Variants in SLC8A1 observed in about 807,000 individuals in gnomAD.
SLC8A1 encodes the protein sodium/calcium exchanger 1.
Under a neutral mutation model 68.3 loss-of-function variants are expected in SLC8A1, and 18 were observed. That is an observed-to-expected ratio of 0.26 (90% CI 0.18 to 0.39). The LOEUF is 0.39. Ranked by LOEUF, SLC8A1 falls within the 10% of genes least tolerant of loss-of-function variation. The pLI, the probability that SLC8A1 is intolerant of heterozygous loss-of-function variation, is 1.00. For synonymous variants in SLC8A1, 475 were observed against 415.5 expected, an observed-to-expected ratio of 1.14 and a Z score of -1.74; for missense variants, 985 against 1,156.7, an observed-to-expected ratio of 0.85 and a Z score of 2.15.
chr2:40,161,582 TA>T (rs1488159605), intron 5 of SLC8A1, among the ~76,000 whole-genome samples: 1 of 152,218 alleles, frequency 6.6e-6, no homozygotes, highest in East Asian at 1.9e-4. Flanking sequence ...TGGAACTTTT[TA>T]AGCACCTTGT....
intron 2 of SLC8A1, among the ~76,000 whole-genome samples, chr2:40,382,807 A>C (rs1457900828): frequency 6.6e-6 from 1 of 152,140 alleles, no homozygotes; most frequent in Non-Finnish European, 1.5e-5. Context: ...GTTTTAGTTA[A>C]AATAGAATGT....
At chr2:40,358,759 T>C (rs1486135972) in intron 2 of SLC8A1, among the ~76,000 whole-genome samples, 1 of 152,198 alleles carries the variant, frequency 6.6e-6, no homozygotes, top group Non-Finnish European at 1.5e-5. Context: ...ACTCCTACTC[T>C]CATAAGGTTT....
chr2:40,253,182 CAT>C (rs1314996523), intron 2 of SLC8A1, among the ~76,000 whole-genome samples: 6 of 133,760 alleles, frequency 4.5e-5, no homozygotes, highest in South Asian at 2.2e-4. Flanking sequence ...CACAAATATA[CAT>C]ATATACACGT....
At chr2:40,154,612 C>A (rs182152397) in intron 6 of SLC8A1, among the ~76,000 whole-genome samples, 191 of 150,796 alleles carry the variant, frequency 1.3e-3, no homozygotes, top group African/African-American at 4.5e-3. Context: ...CAGGTGTGAG[C>A]CACTGCGCCC....
At chr2:40,502,947 C>A (rs1706138360) in intron 1 of SLC8A1, among the ~76,000 whole-genome samples, 1 of 151,836 alleles carries the variant, frequency 6.6e-6, no homozygotes, top group Admixed American at 6.6e-5. Context: ...AATAGCAAAA[C>A]CCTAATAGAG....
intron 1 of SLC8A1, among the ~76,000 whole-genome samples, chr2:40,509,334 C>T (rs1706560764): frequency 6.6e-6 from 1 of 151,896 alleles, no homozygotes; most frequent in Admixed American, 6.6e-5. Flanking sequence ...TGCCTAGTCT[C>T]AGGCCTTTTG....
intron 2 of SLC8A1, among the ~76,000 whole-genome samples, chr2:40,408,041 AC>A (rs1690923424): frequency 6.6e-6 from 1 of 152,096 alleles, no homozygotes; most frequent in Admixed American, 6.6e-5. Flanking sequence ...CAAATATGTT[AC>A]CCCCATAACA....
intron 2 of SLC8A1, among the ~76,000 whole-genome samples, chr2:40,304,075 A>T (rs1482229060): frequency 6.6e-6 from 1 of 152,236 alleles, no homozygotes; most frequent in African/African-American, 2.4e-5. Context: ...TAAATGCAAA[A>T]TAACAGATGC....
At chr2:40,453,985 T>C (rs1306723254), upstream of SLC8A1, among the ~76,000 whole-genome samples, 1 of 152,208 alleles carries the variant, frequency 6.6e-6, no homozygotes, top group Non-Finnish European at 1.5e-5. Flanking sequence ...TTAAATTTTC[T>C]TGGAAGCTAC....
intron 2 of SLC8A1, among the ~76,000 whole-genome samples, chr2:40,415,456 G>C (rs1693522563): frequency 6.6e-6 from 1 of 151,126 alleles, no homozygotes; most frequent in African/African-American, 2.4e-5. Flanking sequence ...CTGCCAATGT[G>C]GTTTGACTAG....
chr2:40,119,952 G>A (rs967491347), intron 7 of SLC8A1, among the ~76,000 whole-genome samples: 4 of 152,158 alleles, frequency 2.6e-5, no homozygotes, highest in Non-Finnish European at 5.9e-5. Flanking sequence ...TTGCAGACCT[G>A]CCTCAAGTTC....
intron 1 of SLC8A1, among the ~76,000 whole-genome samples, chr2:40,482,930 A>G (rs1704730475): frequency 6.7e-6 from 1 of 148,828 alleles, no homozygotes; most frequent in South Asian, 2.1e-4. Flanking sequence ...AGCTGGGACT[A>G]CAGGCGCCCG....
chr2:40,425,106 G>C lies in SLC8A1; in HGVS notation c.1808+3367C>G, dbSNP rs114115980. 4.2e-4 allele frequency among the ~76,000 whole-genome samples: 64 copies of C among 151,916 alleles called. 2 individuals are homozygous for C. The highest frequency in any genetic ancestry group is 1.4e-3 in the African/African-American group (58 of 41,522). On this transcript the variant is annotated intron_variant, in intron 2 of 7. Transcript: ENST00000406785. ...GTCAAAATTAGTTGGCATTGGTTTAGTATGTGTCATTGATTGAGTTTATAA... is the reference window on the plus strand; with the variant it reads ...GTCAAAATTAGTTGGCATTGGTTTACTATGTGTCATTGATTGAGTTTATAA...
At chr2:40,364,088 CAATAG>C (rs1675344862) in intron 2 of SLC8A1, among the ~76,000 whole-genome samples, 1 of 151,914 alleles carries the variant, frequency 6.6e-6, no homozygotes, top group South Asian at 2.1e-4. Flanking sequence ...TATTTTCTTT[CAATAG>C]GATAGTAAAA....
At position 40,387,675 on chromosome 2, in the gene SLC8A1, T is replaced by A. The variant is rs548248118; in HGVS notation, c.1808+40798A>T. ...CTTAAGAATTAGTTGTGGTGGCTCA[T>A]GCCTGTAATCCCAAAACATTGAGAA... On this transcript the variant is annotated intron_variant, in intron 2 of 7. Transcript: ENST00000406785. Among the ~76,000 whole-genome samples, 3 of 151,474 alleles carry A rather than the reference T, an allele frequency of 2.0e-5. No individual in the cohort carries two copies. The South Asian group carries it at 6.2e-4, about 31-fold the overall frequency.
At chr2:40,463,694 T>G (rs1038188984) in intron 1 of SLC8A1, among the ~76,000 whole-genome samples, 1 of 152,140 alleles carries the variant, frequency 6.6e-6, no homozygotes, top group African/African-American at 2.4e-5. Context: ...ACCAGAATTA[T>G]CCACCAGATT....
chr2:40,226,868 A>G (rs182366176), intron 2 of SLC8A1, among the ~76,000 whole-genome samples: 16 of 152,310 alleles, frequency 1.1e-4, no homozygotes, highest in Admixed American at 5.9e-4. Context: ...TAACACTGCT[A>G]ATGTAATGGC....
At chr2:40,208,992 A>G (rs1220695309) in intron 2 of SLC8A1, 3 of 152,148 alleles carry the variant, frequency 2.0e-5, no homozygotes, top group Non-Finnish European at 4.4e-5. Flanking sequence ...TACAAATACC[A>G]ATTATATGCC....
intron 2 of SLC8A1, among the ~76,000 whole-genome samples, chr2:40,344,024 T>C (rs764931848): frequency 5.9e-5 from 9 of 152,096 alleles, no homozygotes; most frequent in Non-Finnish European, 1.3e-4. Flanking sequence ...CAAGAGAGTG[T>C]GTACGATGGC....
Sources: gnomAD v4.1 joint callset for allele counts (sites outside exome capture counted in the v4.1 genomes callset) on GRCh38, gnomAD v4.1.1 for gene constraint, MANE v1.5 for transcripts, NCBI Gene and HGNC (gene_info 2026-07-23, HGNC 2026-07-21) for gene names.